CORO2B: variants seen among roughly 807,000 people sequenced by gnomAD.
CORO2B encodes the protein coronin-2B.
A neutral mutation model predicts 58.8 loss-of-function variants in CORO2B; 26 were observed. The ratio of observed to expected loss-of-function variants is 0.44; its 90% confidence interval spans 0.32 to 0.61. The LOEUF is 0.61. Among genes scored for constraint, CORO2B ranks in the 20% least tolerant of loss-of-function variants. The pLI is 0.04. For missense variants in CORO2B, 460 were observed against 645.1 expected, an observed-to-expected ratio of 0.71 and a Z score of 3.11; for synonymous variants, 242 against 253.8, an observed-to-expected ratio of 0.95 and a Z score of 0.44.
chr15:68,680,143 A>G (rs1484638717), intron 2 of CORO2B, among the ~76,000 whole-genome samples: 1 of 152,064 alleles, frequency 6.6e-6, no homozygotes, highest in Non-Finnish European at 1.5e-5. Context: ...GCCTGGGAGC[A>G]TGTGGATGGT....
At chr15:68,537,022 GAAT>G in the CORO2B span, among the ~76,000 whole-genome samples, 19 of 152,222 alleles carry the variant, frequency 1.2e-4, no homozygotes, top group Non-Finnish European at 1.9e-4. Flanking sequence ...ATGTGAGGCA[GAAT>G]TAAATTGCCT....
chr15:68,675,559 T>C (rs1315941199), intron 2 of CORO2B, among the ~76,000 whole-genome samples: 3 of 152,182 alleles, frequency 2.0e-5, no homozygotes, highest in African/African-American at 4.8e-5. Flanking sequence ...AGCAAGACCA[T>C]GAACCCTTCT....
At chr15:68,650,887 G>T (rs1901620252) in intron 2 of CORO2B, among the ~76,000 whole-genome samples, 1 of 152,186 alleles carries the variant, frequency 6.6e-6, no homozygotes, top group South Asian at 2.1e-4. Context: ...GGGTAAAGAC[G>T]AGGGGCCCCA....
chr15:68,584,750 C>T (rs904699702), intron 1 of CORO2B, among the ~76,000 whole-genome samples: 4 of 152,236 alleles, frequency 2.6e-5, no homozygotes, highest in Non-Finnish European at 4.4e-5. Context: ...CATTGGGTTC[C>T]CATTCCTTCC....
intron 2 of CORO2B, among the ~76,000 whole-genome samples, chr15:68,673,017 A>T (rs965210590): frequency 5.9e-5 from 9 of 152,048 alleles, no homozygotes; most frequent in African/African-American, 2.2e-4. Flanking sequence ...AGGCAGGAGA[A>T]CCCACACCCC....
chr15:68,686,351 T>G (rs1902979118), intron 2 of CORO2B, among the ~76,000 whole-genome samples: 1 of 152,072 alleles, frequency 6.6e-6, no homozygotes, highest in Non-Finnish European at 1.5e-5. Context: ...CACTGATTTC[T>G]AATGACTTTC....
intron 1 of CORO2B, among the ~76,000 whole-genome samples, chr15:68,614,456 C>A (rs190052183): frequency 2.1e-4 from 32 of 152,210 alleles, no homozygotes; most frequent in African/African-American, 7.7e-4. Flanking sequence ...GAGGAGCCTC[C>A]GGGCCAGCCA....
chr15:68,586,108 G>C (rs1448098648), intron 1 of CORO2B, among the ~76,000 whole-genome samples: 1 of 152,068 alleles, frequency 6.6e-6, no homozygotes, highest in Non-Finnish European at 1.5e-5. Context: ...GTGTATTCTT[G>C]GGCAAGTTGC....
intron 1 of CORO2B, among the ~76,000 whole-genome samples, chr15:68,581,124 G>A (rs1475666347): frequency 6.6e-6 from 1 of 152,150 alleles, no homozygotes; most frequent in Non-Finnish European, 1.5e-5. Flanking sequence ...GGATGGGACA[G>A]GGAGTCCATG....
chr15:68,575,956 C>T (rs1441362388), upstream of CORO2B, among the ~76,000 whole-genome samples: 2 of 151,532 alleles, frequency 1.3e-5, no homozygotes, highest in African/African-American at 2.4e-5. Flanking sequence ...AGTTCGAGAC[C>T]AGCCTGGCCA....
intron 2 of CORO2B, among the ~76,000 whole-genome samples, chr15:68,690,368 AC>A (rs1250434333): frequency 6.6e-6 from 1 of 151,672 alleles, no homozygotes; most frequent in African/African-American, 2.4e-5. Flanking sequence ...TTTTGCACTT[AC>A]CCCCATATTT....
At chr15:68,580,174 G>T (rs1899390977) in intron 1 of CORO2B, among the ~76,000 whole-genome samples, 2 of 152,240 alleles carry the variant, frequency 1.3e-5, no homozygotes, top group South Asian at 4.1e-4. Context: ...GTGACAGGCT[G>T]TTAAAGAACC....
intron 1 of CORO2B, among the ~76,000 whole-genome samples, chr15:68,642,759 C>A (rs74020260): frequency 6.6e-6 from 1 of 152,270 alleles, no homozygotes; most frequent in Non-Finnish European, 1.5e-5. Context: ...CGGCTGTCTG[C>A]GGATTCTGAG....
At chr15:68,692,751 A>C (rs766945333) in intron 2 of CORO2B, among the ~76,000 whole-genome samples, 1 of 150,216 alleles carries the variant, frequency 6.7e-6, no homozygotes, top group African/African-American at 2.4e-5. Context: ...CTCATGGCTC[A>C]GCCTCCCAAG....
the CORO2B span, among the ~76,000 whole-genome samples, chr15:68,548,189 A>ATATG: frequency 0.016 from 2,249 of 144,772 alleles, 36 homozygotes; most frequent in African/African-American, 0.047. Flanking sequence ...ATATATATAT[A>ATATG]TGTGTGTGTG....
intron 5 of CORO2B, 89 bp from the exon 6 acceptor site, chr15:68,713,836 G>A (rs1892971597): frequency 1.7e-5 from 14 of 835,824 alleles, no homozygotes; most frequent in Admixed American, 5.8e-5. Context: ...CTGAGGACAT[G>A]GGTGTATCTT....
chr15:68,658,250 C>A (rs1217869051), intron 2 of CORO2B, among the ~76,000 whole-genome samples: 1 of 152,210 alleles, frequency 6.6e-6, no homozygotes, highest in Non-Finnish European at 1.5e-5. Context: ...AGCCCTGGAC[C>A]AGGGAGAGGG....
intron 2 of CORO2B, among the ~76,000 whole-genome samples, chr15:68,676,491 C>T (rs542634269): frequency 2.6e-5 from 4 of 152,302 alleles, no homozygotes; most frequent in Non-Finnish European, 4.4e-5. Flanking sequence ...TGCCTAAACC[C>T]GTCAAATGCC....
chr15:68,556,738 C>G, the CORO2B span, among the ~76,000 whole-genome samples: 1 of 152,190 alleles, frequency 6.6e-6, no homozygotes, highest in Non-Finnish European at 1.5e-5. Flanking sequence ...TCTCCCCCTC[C>G]CAGATCTCAC....
Sources: gnomAD v4.1 joint callset for allele counts (sites outside exome capture counted in the v4.1 genomes callset) on GRCh38, gnomAD v4.1.1 for gene constraint, MANE v1.5 for transcripts, NCBI Gene and HGNC (gene_info 2026-07-23, HGNC 2026-07-21) for gene names.